RCOR3: variants seen among roughly 807,000 people sequenced by gnomAD.
The protein encoded by RCOR3 is REST corepressor 3.
Under a neutral mutation model 64.1 loss-of-function variants are expected in RCOR3, and 13 were observed. The observed-to-expected ratio is 0.20, with a 90% CI of 0.13 to 0.32. RCOR3 has a LOEUF of 0.32. RCOR3 is among the 10% of genes least tolerant of loss of function. RCOR3 has a pLI of 1.00. For synonymous variants in RCOR3, 215 were observed against 239.0 expected, an observed-to-expected ratio of 0.90 and a Z score of 0.93; for missense variants, 489 against 701.2, an observed-to-expected ratio of 0.70 and a Z score of 3.42.
At chr1:211,269,954 TTC>T (rs745636388) in intron 2 of RCOR3, among the ~76,000 whole-genome samples, 126 of 152,262 alleles carry the variant, frequency 8.3e-4, no homozygotes, top group Non-Finnish European at 1.6e-3. Context: ...ATAGCAAGAC[TTC>T]ACATGTTTAA....
At chr1:211,278,054 CAT>C (rs1697260682) in intron 5 of RCOR3, 61 bp from the exon 6 acceptor site, 4 of 697,536 alleles carry the variant, frequency 5.7e-6, no homozygotes, top group Admixed American at 8.1e-5. Context: ...GTAAAGATAT[CAT>C]CAAAATTATT....
intron 10 of RCOR3, among the ~76,000 whole-genome samples, chr1:211,309,563 C>A (rs12116749): frequency 6.6e-6 from 1 of 152,022 alleles, no homozygotes; most frequent in Non-Finnish European, 1.5e-5. Context: ...GGGAAACTTA[C>A]TATTTGCCTG....
At chr1:211,302,637 T>G (rs1220763106) in intron 9 of RCOR3, 1 of 152,218 alleles carries the variant, frequency 6.6e-6, no homozygotes, top group Non-Finnish European at 1.5e-5. Flanking sequence ...GTTTCACATT[T>G]CAGATTGAAC....
rs10708960 is a variant in RCOR3 at position 211,279,187 on chromosome 1, T to TA, written c.642-36dup. On this transcript the variant is annotated intron_variant, in intron 6 of 11. Transcript: ENST00000419091. ...GGGCAATAAGAGTGAAACGCTGTCT[T>TA]AAAAAAAAAAAAAAAGGGAATTAAG... 1,849 of 937,974 alleles carry TA rather than the reference T, an allele frequency of 2.0e-3. 6 individuals are homozygous for TA. Among genetic ancestry groups the TA allele is most frequent in the Admixed American group, 9.1e-3 (358 of 39,432 alleles). 58.1% of individuals were successfully genotyped at this position (937,974 alleles called of 1,614,324 possible).
intron 8 of RCOR3, among the ~76,000 whole-genome samples, chr1:211,292,656 C>A (rs554147777): frequency 6.6e-6 from 1 of 152,266 alleles, no homozygotes; most frequent in African/African-American, 2.4e-5. Flanking sequence ...AAACTGAGTT[C>A]TTCCACACTC....
chr1:211,281,161 T>G (rs1347582793), intron 7 of RCOR3, among the ~76,000 whole-genome samples: 1 of 152,120 alleles, frequency 6.6e-6, no homozygotes, highest in Non-Finnish European at 1.5e-5. Context: ...ATCAGTTGTA[T>G]TCTGCTTGTG....
intron 4 of RCOR3, among the ~76,000 whole-genome samples, chr1:211,274,749 G>A (rs1696707225): frequency 6.6e-6 from 1 of 151,718 alleles, no homozygotes; most frequent in Non-Finnish European, 1.5e-5. Context: ...AATCACAAAA[G>A]GCTTTTTTTG....
chr1:211,266,364 G>A (rs1273235655), intron 2 of RCOR3, among the ~76,000 whole-genome samples: 2 of 151,752 alleles, frequency 1.3e-5, no homozygotes, highest in South Asian at 2.1e-4. Flanking sequence ...CTAGTTTATC[G>A]AATTATATTT....
At chr1:211,275,020 T>C (rs1696762431) in intron 4 of RCOR3, among the ~76,000 whole-genome samples, 1 of 151,178 alleles carries the variant, frequency 6.6e-6, no homozygotes, top group Admixed American at 6.6e-5. Context: ...ATGTTTATTA[T>C]GTAATACACT....
chr1:211,308,661 GTTTTTTT>G (rs780896956), intron 10 of RCOR3, among the ~76,000 whole-genome samples: 6 of 27,488 alleles, frequency 2.2e-4, no homozygotes, highest in Non-Finnish European at 4.0e-4. Context: ...TTTTGGATGT[GTTTTTTT>G]TTTTGTTTTT....
chr1:211,286,671 A>G (rs1281365874), intron 7 of RCOR3, among the ~76,000 whole-genome samples: 1 of 152,112 alleles, frequency 6.6e-6, no homozygotes, highest in East Asian at 1.9e-4. Flanking sequence ...TATTTAACTT[A>G]AAATCTAATA....
Position 211,278,158 on chromosome 1 carries a change from T to C in RCOR3, c.558T>C (p.Tyr186=). 6.2e-7 allele frequency: 1 copy of C among 1,606,734 alleles called. No individual in the cohort carries two copies. The highest frequency in any genetic ancestry group is 8.5e-7 in the Non-Finnish European group (1 of 1,178,034). The change falls in exon 6 of 12, where the codon TAT becomes TAC. Residue 186 remains tyrosine, a synonymous_variant. Transcript: ENST00000419091. ...TTGCAAGCCTTGTAAAATATTACTA[T>C]TCTTGGAAAAAAACTCGCTCTAGGA... ...KTIASLVKYY[Y]SWKKTRSRTS...
intron 2 of RCOR3, among the ~76,000 whole-genome samples, chr1:211,270,177 C>T (rs964575778): frequency 4.0e-5 from 6 of 151,436 alleles, no homozygotes; most frequent in African/African-American, 2.4e-5. Context: ...AGTTCTCCTG[C>T]GTCAGCCTCC....
At position 211,259,662 on chromosome 1, in the gene RCOR3, G is replaced by A. The variant is rs1397303200; in HGVS notation, c.102G>A (p.Ser34=). ...CAGGCGGCGGCGGCAGCGGCGCCTCGTCCACCAACGGCGGGCTGCACTACT... is the reference window on the plus strand; with the variant it reads ...CAGGCGGCGGCGGCAGCGGCGCCTCATCCACCAACGGCGGGCTGCACTACT... ...SPAGGGGSGA[S]STNGGLHYSE... is the part of the protein sequence containing the mutation. Residue 34 remains serine, a synonymous_variant, in exon 1 of 12, where the codon TCG becomes TCA. Transcript: ENST00000419091. 1.3e-6 allele frequency: 2 copies of A among 1,546,550 alleles called. No homozygotes were observed. The highest frequency in any genetic ancestry group is 1.7e-6 in the Non-Finnish European group (2 of 1,145,150).
chr1:211,268,257 C>T (rs894094101), intron 2 of RCOR3, among the ~76,000 whole-genome samples: 4 of 151,726 alleles, frequency 2.6e-5, no homozygotes, highest in Non-Finnish European at 5.9e-5. Flanking sequence ...GTTTTATTAC[C>T]ATTGAGTGGG....
chr1:211,280,455 G>T (rs1412592905), intron 7 of RCOR3, among the ~76,000 whole-genome samples: 2 of 152,162 alleles, frequency 1.3e-5, no homozygotes, highest in African/African-American at 4.8e-5. Context: ...CTGGTATATG[G>T]CAAATATTCA....
At chr1:211,259,929 CCCCCGCT>C in intron 1 of RCOR3, 172 bp from the exon 2 acceptor site, 1 of 1,007,750 alleles carries the variant, frequency 9.9e-7, no homozygotes, top group Non-Finnish European at 1.4e-6. Flanking sequence ...CCTTTGCCCC[CCCCCGCT>C]CCCCGCCCCC....
chr1:211,273,786 CA>C (rs1379768407), intron 3 of RCOR3, among the ~76,000 whole-genome samples: 1 of 152,062 alleles, frequency 6.6e-6, no homozygotes, highest in Non-Finnish European at 1.5e-5. Context: ...ATACATCAAT[CA>C]AAAATGGAAT....
chr1:211,278,037 CTA>C, intron 5 of RCOR3, 78 bp from the exon 6 acceptor site: 1 of 1,289,246 alleles, frequency 7.8e-7, no homozygotes. Context: ...TATGCCTTTA[CTA>C]AATAGTAAAG....
Sources: gnomAD v4.1 joint callset for allele counts (sites outside exome capture counted in the v4.1 genomes callset) on GRCh38, gnomAD v4.1.1 for gene constraint, MANE v1.5 for transcripts, NCBI Gene and HGNC (gene_info 2026-07-23, HGNC 2026-07-21) for gene names.